The following PTPRO variants were observed in gnomAD, a reference collection of about 807,000 sequenced individuals.
PTPRO encodes the protein receptor-type tyrosine-protein phosphatase O.
PTPRO carries 62 observed loss-of-function variants against 145.2 expected under a neutral mutation model. That is an observed-to-expected ratio of 0.43 (90% CI 0.35 to 0.53). The LOEUF (loss-of-function observed/expected upper bound fraction) is 0.53, where lower values mean the gene tolerates loss of function less well. Among genes scored for constraint, PTPRO ranks in the 20% least tolerant of loss-of-function variants. PTPRO has a pLI of 0.01. For synonymous variants in PTPRO, 565 were observed against 514.7 expected, an observed-to-expected ratio of 1.10 and a Z score of -1.32; for missense variants, 1,345 against 1,482.7, an observed-to-expected ratio of 0.91 and a Z score of 1.53.
chr12:15,432,439 C>T (rs1238393935), intron 1 of PTPRO, among the ~76,000 whole-genome samples: 3 of 152,278 alleles, frequency 2.0e-5, no homozygotes, highest in Non-Finnish European at 4.4e-5. Context: ...GTCTTTGCTA[C>T]TGTCAATAGT....
chr12:15,469,386 T>C (rs890709263), intron 1 of PTPRO, among the ~76,000 whole-genome samples: 5 of 152,240 alleles, frequency 3.3e-5, no homozygotes, highest in African/African-American at 7.2e-5. Flanking sequence ...CTGTTTTTCA[T>C]AACAAATTAT....
Position 15,501,607 on chromosome 12 carries a change from C to A in PTPRO, c.662-13C>A. On this transcript the variant is annotated splice_polypyrimidine_tract_variant and intron_variant, in intron 4 of 26. Transcript: ENST00000281171. ...TAAAAAATACTTGAAAATGAAAATTCTCTCTCTTACAGCCCCTTATCCACC... is the reference window on the plus strand; with the variant it reads ...TAAAAAATACTTGAAAATGAAAATTATCTCTCTTACAGCCCCTTATCCACC... 6.2e-7 allele frequency: 1 copy of A among 1,603,392 alleles called. No individual in the cohort carries two copies. Among genetic ancestry groups the A allele is most frequent in the Non-Finnish European group, 8.5e-7 (1 of 1,170,742 alleles).
intron 19 of PTPRO, among the ~76,000 whole-genome samples, chr12:15,576,541 T>A (rs370953286): frequency 2.6e-5 from 4 of 152,224 alleles, no homozygotes; most frequent in African/African-American, 9.6e-5. Context: ...TCCCATGGCT[T>A]ATCAGTCTGT....
chr12:15,405,775 G>C (rs1395369358), intron 1 of PTPRO, among the ~76,000 whole-genome samples: 1 of 152,196 alleles, frequency 6.6e-6, no homozygotes, highest in East Asian at 1.9e-4. Context: ...TGAACCACAA[G>C]CTTATTTAAT....
intron 1 of PTPRO, among the ~76,000 whole-genome samples, chr12:15,470,803 G>T (rs1176787441): frequency 6.6e-6 from 1 of 152,150 alleles, no homozygotes; most frequent in Non-Finnish European, 1.5e-5. Flanking sequence ...GAAACTGAAG[G>T]ACAAAAGATG....
chr12:15,469,917 G>A (rs937581064), intron 1 of PTPRO, among the ~76,000 whole-genome samples: 5 of 152,136 alleles, frequency 3.3e-5, no homozygotes, highest in African/African-American at 1.2e-4. Context: ...AAATTTGCAT[G>A]TATGGTTTCA....
chr12:15,331,436 T>C (rs1866606127), intron 1 of PTPRO, among the ~76,000 whole-genome samples: 1 of 152,218 alleles, frequency 6.6e-6, no homozygotes, highest in Non-Finnish European at 1.5e-5. Context: ...TTCTCCACTA[T>C]GCTATTTACT....
intron 1 of PTPRO, among the ~76,000 whole-genome samples, chr12:15,369,098 C>T (rs2136255128): frequency 6.6e-6 from 1 of 152,036 alleles, no homozygotes; most frequent in East Asian, 1.9e-4. Context: ...AGGGAGACTG[C>T]TGAATGTTTT....
intron 1 of PTPRO, among the ~76,000 whole-genome samples, chr12:15,379,516 G>C (rs1007802367): frequency 1.2e-5 from 1 of 82,542 alleles, no homozygotes; most frequent in Admixed American, 1.9e-4. Flanking sequence ...AGGTGACAGA[G>C]AAAAGCTCCA....
At chr12:15,478,219 G>T (rs1384569271) in intron 1 of PTPRO, among the ~76,000 whole-genome samples, 1 of 152,140 alleles carries the variant, frequency 6.6e-6, no homozygotes, top group African/African-American at 2.4e-5. Context: ...GAATGTCTGT[G>T]ATCACCAGCC....
chr12:15,476,709 T>C (rs1364709193), intron 1 of PTPRO, among the ~76,000 whole-genome samples: 1 of 149,972 alleles, frequency 6.7e-6, no homozygotes, highest in Non-Finnish European at 1.5e-5. Flanking sequence ...GTCTCAGTTC[T>C]CAAAAGAAGA....
intron 1 of PTPRO, among the ~76,000 whole-genome samples, chr12:15,372,365 C>A (rs1938557135): frequency 6.6e-6 from 1 of 152,162 alleles, no homozygotes; most frequent in Non-Finnish European, 1.5e-5. Flanking sequence ...GTATCTCTCT[C>A]TAATTCCATA....
At chr12:15,583,983 C>T (rs1429190522) in intron 23 of PTPRO, among the ~76,000 whole-genome samples, 2 of 152,186 alleles carry the variant, frequency 1.3e-5, no homozygotes, top group South Asian at 4.1e-4. Flanking sequence ...TTGTTAAGCA[C>T]GTTTTTACTC....
intron 1 of PTPRO, among the ~76,000 whole-genome samples, chr12:15,385,748 G>T (rs1384813839): frequency 1.4e-5 from 2 of 146,352 alleles, no homozygotes; most frequent in South Asian, 2.2e-4. Flanking sequence ...GGAGGTGGAG[G>T]TTGCAGTGAG....
At chr12:15,585,871 T>C (rs1005684155) in intron 23 of PTPRO, among the ~76,000 whole-genome samples, 10 of 152,212 alleles carry the variant, frequency 6.6e-5, no homozygotes, top group Non-Finnish European at 1.3e-4. Flanking sequence ...TCTGGAAAGA[T>C]ATACATTCTA....
intron 1 of PTPRO, among the ~76,000 whole-genome samples, chr12:15,349,279 G>A (rs1419530770): frequency 2.0e-5 from 3 of 152,160 alleles, no homozygotes; most frequent in Admixed American, 6.5e-5. Flanking sequence ...ATGGGGGTAC[G>A]ATTTAGTACC....
At chr12:15,493,107 G>A (rs921429075) in intron 2 of PTPRO, among the ~76,000 whole-genome samples, 2 of 152,046 alleles carry the variant, frequency 1.3e-5, no homozygotes, top group African/African-American at 4.8e-5. Context: ...GAGAAAAAAA[G>A]CGAAGTATCT....
At chr12:15,543,653 C>A (rs936564315) in intron 12 of PTPRO, among the ~76,000 whole-genome samples, 1 of 152,164 alleles carries the variant, frequency 6.6e-6, no homozygotes, top group African/African-American at 2.4e-5. Flanking sequence ...ATTTATAACA[C>A]ATGACCCTTG....
At chr12:15,466,140 A>G (rs1355703851) in intron 1 of PTPRO, among the ~76,000 whole-genome samples, 1 of 152,184 alleles carries the variant, frequency 6.6e-6, no homozygotes, top group Non-Finnish European at 1.5e-5. Flanking sequence ...TTTTTTAATC[A>G]AAATCTTTTT....
Sources: allele counts gnomAD v4.1 joint callset (sites outside exome capture counted in the v4.1 genomes callset), GRCh38; gene constraint gnomAD v4.1.1; transcripts MANE v1.5; gene names NCBI Gene and HGNC (gene_info 2026-07-23, HGNC 2026-07-21).